The following NELL2 variants were observed in gnomAD, a reference collection of about 807,000 sequenced individuals.
The protein encoded by NELL2 is neural EGFL like 2, also known as protein kinase C-binding protein NELL2.
A neutral mutation model predicts 109.6 loss-of-function variants in NELL2; 41 were observed. That is an observed-to-expected ratio of 0.37 (90% CI 0.29 to 0.49). NELL2 has a LOEUF of 0.49. Ranked by LOEUF, NELL2 falls within the 20% of genes least tolerant of loss-of-function variation. The pLI is 0.98. For missense variants in NELL2, 900 were observed against 1,008.3 expected, an observed-to-expected ratio of 0.89 and a Z score of 1.45; for synonymous variants, 355 against 344.7, an observed-to-expected ratio of 1.03 and a Z score of -0.33.
At chr12:44,862,328 G>T (rs1331709532) in intron 2 of NELL2, among the ~76,000 whole-genome samples, 2 of 152,130 alleles carry the variant, frequency 1.3e-5, no homozygotes, top group African/African-American at 4.8e-5. Flanking sequence ...ATAGCATTCT[G>T]TTTTTAATAG....
At chr12:44,593,255 T>C (rs555858319) in intron 15 of NELL2, among the ~76,000 whole-genome samples, 7 of 152,164 alleles carry the variant, frequency 4.6e-5, no homozygotes, top group South Asian at 2.1e-4. Flanking sequence ...AGAAAGGAGA[T>C]GGTAATAAGA....
intron 12 of NELL2, among the ~76,000 whole-genome samples, chr12:44,682,400 T>C (rs1020307576): frequency 2.0e-5 from 3 of 152,002 alleles, no homozygotes; most frequent in African/African-American, 7.3e-5. Context: ...TTACTTTTGC[T>C]GTGCAGAAGC....
upstream of NELL2, among the ~76,000 whole-genome samples, chr12:44,916,172 C>A (rs74778310): frequency 0.074 from 11,326 of 152,144 alleles, 544 homozygotes; most frequent in Admixed American, 0.12. Context: ...TAATAGGCAA[C>A]CAACAGGCCA....
Position 44,691,621 on chromosome 12 carries a change from G to A in NELL2, c.1318+12105C>T, listed in dbSNP as rs190068383. On this transcript the variant is annotated intron_variant, in intron 12 of 19. Coordinates refer to ENST00000429094, the MANE Select transcript of NELL2 (RefSeq NM_001145108.2). ...AAAGTCAATACAGGCCGAAAGTTAGGCCTCTGGAGCCAGTTAGCCAAGTTG... is the reference window on the plus strand; with the variant it reads ...AAAGTCAATACAGGCCGAAAGTTAGACCTCTGGAGCCAGTTAGCCAAGTTG... Among the ~76,000 whole-genome samples the A allele has an allele frequency of 3.5e-4, 54 of 152,280 alleles. No individual in the cohort carries two copies. In the East Asian group the frequency reaches 0.01, roughly 29 times the overall value.
chr12:44,519,716 G>A (rs923594963), intron 19 of NELL2, among the ~76,000 whole-genome samples: 2 of 152,138 alleles, frequency 1.3e-5, no homozygotes, highest in African/African-American at 4.8e-5. Flanking sequence ...TTTAAAAGAT[G>A]TGTACGGTTA....
chr12:44,899,112 T>A (rs1438489900), intron 1 of NELL2, among the ~76,000 whole-genome samples: 2 of 151,058 alleles, frequency 1.3e-5, no homozygotes, highest in Non-Finnish European at 3.0e-5. Context: ...TATGGGACTA[T>A]GTGAAAAGAC....
intron 12 of NELL2, among the ~76,000 whole-genome samples, chr12:44,682,187 C>G (rs1287748238): frequency 6.7e-6 from 1 of 150,232 alleles, no homozygotes; most frequent in Non-Finnish European, 1.5e-5. Context: ...AGCATTTTTT[C>G]ATGTGTTTTT....
At chr12:44,850,530 A>G (rs1387703587) in intron 2 of NELL2, among the ~76,000 whole-genome samples, 1 of 152,088 alleles carries the variant, frequency 6.6e-6, no homozygotes, top group Non-Finnish European at 1.5e-5. Flanking sequence ...ATTTTTGAAG[A>G]TTACAGTCAA....
At chr12:44,705,016 C>CA (rs11380443) in intron 11 of NELL2, among the ~76,000 whole-genome samples, 17,386 of 103,130 alleles carry the variant, frequency 0.17, 1,302 homozygotes, top group East Asian at 0.27. Flanking sequence ...AGGACTCCAT[C>CA]AAAAAAAAAA....
In NELL2 at chr12:44,597,757, T is replaced by C. The variant is rs1223029431; in HGVS notation, c.1663+9412A>G. ...ACTTTCCATGGAACTCATACTCCAG[T>C]GGGAGGGAATGAGGAAAAAGGTAAG... On this transcript the variant is annotated intron_variant, in intron 15 of 19. Coordinates refer to ENST00000429094, the MANE Select transcript of NELL2 (RefSeq NM_001145108.2). Among the ~76,000 whole-genome samples, 4 of 151,798 alleles carry C rather than the reference T, an allele frequency of 2.6e-5. No homozygotes were observed. In the East Asian group the frequency reaches 5.8e-4, roughly 22 times the overall value.
At chr12:44,791,074 T>TATATATATAC in intron 3 of NELL2, among the ~76,000 whole-genome samples, 1 of 7,892 alleles carries the variant, frequency 1.3e-4, no homozygotes, top group Non-Finnish European at 3.6e-4. Context: ...AGTATATATA[T>TATATATATAC]ATATATACAT....
intron 9 of NELL2, among the ~76,000 whole-genome samples, chr12:44,771,216 A>G (rs533803842): frequency 6.6e-6 from 1 of 152,260 alleles, no homozygotes; most frequent in East Asian, 1.9e-4. Flanking sequence ...GACTGAAAGG[A>G]AAGAGGATGA....
At chr12:44,567,383 A>C (rs1943702685) in intron 15 of NELL2, among the ~76,000 whole-genome samples, 1 of 152,214 alleles carries the variant, frequency 6.6e-6, no homozygotes, top group Non-Finnish European at 1.5e-5. Context: ...TACTTAACCT[A>C]GTTTAGGATC....
chr12:44,802,952 C>T (rs754110224), intron 3 of NELL2, among the ~76,000 whole-genome samples: 1 of 151,932 alleles, frequency 6.6e-6, no homozygotes. Context: ...TGATAAAACA[C>T]TAATCAAAAT....
At chr12:44,563,864 A>T (rs1198888550) in intron 15 of NELL2, among the ~76,000 whole-genome samples, 1 of 152,226 alleles carries the variant, frequency 6.6e-6, no homozygotes, top group Admixed American at 6.5e-5. Context: ...GAGAATTACC[A>T]GTTTGCTTCT....
intron 15 of NELL2, among the ~76,000 whole-genome samples, chr12:44,592,644 T>G (rs1452723948): frequency 6.6e-6 from 1 of 152,094 alleles, no homozygotes. Context: ...AAGAAAGAAC[T>G]TTGTGCAGGG....
intron 3 of NELL2, among the ~76,000 whole-genome samples, chr12:44,804,269 T>G (rs1210702907): frequency 6.6e-6 from 1 of 151,882 alleles, no homozygotes; most frequent in Non-Finnish European, 1.5e-5. Context: ...TTCAAAATGC[T>G]CAGTGAATAA....
chr12:44,740,565 C>A (rs1311455135), intron 9 of NELL2, among the ~76,000 whole-genome samples: 2 of 151,860 alleles, frequency 1.3e-5, no homozygotes, highest in African/African-American at 4.8e-5. Context: ...GCTTTTGGGT[C>A]CAGGAGCTTG....
At chr12:44,631,288 G>T (rs1299803641) in intron 13 of NELL2, among the ~76,000 whole-genome samples, 1 of 149,630 alleles carries the variant, frequency 6.7e-6, no homozygotes, top group African/African-American at 2.4e-5. Context: ...AATTAATAAA[G>T]TAGCAAAAGC....
Sources: gnomAD v4.1 joint callset for allele counts (sites outside exome capture counted in the v4.1 genomes callset) on GRCh38, gnomAD v4.1.1 for gene constraint, MANE v1.5 for transcripts, NCBI Gene and HGNC (gene_info 2026-07-23, HGNC 2026-07-21) for gene names.